Variants in ADAMTS9 observed in about 807,000 individuals in gnomAD.
ADAMTS9 encodes the protein ADAM metallopeptidase with thrombospondin type 1 motif 9, also known as A disintegrin and metalloproteinase with thrombospondin motifs 9.
In ADAMTS9, 107 loss-of-function variants were observed where a neutral mutation model predicts 257.1. The observed-to-expected ratio is 0.42, with a 90% CI of 0.36 to 0.49. The LOEUF (loss-of-function observed/expected upper bound fraction) is 0.49. Ranked by LOEUF, ADAMTS9 falls within the 20% of genes least tolerant of loss-of-function variation. ADAMTS9 has a pLI of 0.03. For synonymous variants in ADAMTS9, 982 were observed against 880.9 expected, an observed-to-expected ratio of 1.11 and a Z score of -2.03; for missense variants, 2,353 against 2,469.1, an observed-to-expected ratio of 0.95 and a Z score of 1.00.
rs537360814 is a variant in ADAMTS9 at position 64,542,829 on chromosome 3, C to T, written c.5065-859G>A. Among the ~76,000 whole-genome samples, 28 of 151,746 alleles carry T rather than the reference C, an allele frequency of 1.8e-4. No homozygotes were observed. In the South Asian group the frequency reaches 3.3e-3, roughly 18 times the overall value. ...TCAAAAAATCAATGAATCCAGGAGC[C>T]GGTTTTTTGAAAAGATCAACAAAAT... On this transcript the variant is annotated intron_variant, in intron 32 of 39. Transcript: ENST00000498707.
rs774595633 is a variant in ADAMTS9, at chr3:64,655,658, T to C, written c.1087A>G (p.Thr363Ala). 6.2e-7 allele frequency: 1 copy of C among 1,614,074 alleles called. No individual in the cohort carries two copies. Among genetic ancestry groups the C allele is most frequent in the African/African-American group, 1.3e-5 (1 of 74,946 alleles). Residue 363 changes from threonine to alanine, a missense_variant, in exon 6 of 40, where the codon ACA becomes GCA. Transcript: ENST00000498707. ...TGCCACTGGCAAAAGTTTTTTAATG[T>C]TGTCTGAGCATTAAAAGATATGGAA... ...GPSISFNAQTTLKNFCQWQHS... is the reference protein window; with the variant it reads ...GPSISFNAQTALKNFCQWQHS...
At position 64,649,745 on chromosome 3, in the gene ADAMTS9, A is replaced by C; in HGVS notation, c.1497T>G (p.Pro499=). Residue 499 remains proline (P), a synonymous_variant, in exon 10 of 40, where the codon CCT becomes CCG. Transcript: ENST00000498707. The part of the protein sequence containing the change: ...TGYGECLLNE[P]ESRPYPLPVQ... ...CAGGCAAAGGGTAGGGTCTGGATTC[A>C]GGTTCGTTAAGCAAACACTCGCCAT... The C allele has an allele frequency of 6.2e-7, 1 of 1,613,996 alleles. No homozygotes were observed. Among genetic ancestry groups the C allele is most frequent in the Non-Finnish European group, 8.5e-7 (1 of 1,179,952 alleles).
chr3:64,576,659 A>C (rs1011417914), intron 28 of ADAMTS9, among the ~76,000 whole-genome samples: 2 of 152,146 alleles, frequency 1.3e-5, no homozygotes, highest in Non-Finnish European at 2.9e-5. Flanking sequence ...ATTGGCAGGG[A>C]ACACCAAGGA....
rs759315592 is a variant in ADAMTS9 at position 64,541,174 on chromosome 3, T to C, written c.5442A>G (p.Gln1814=). 8 of 1,614,082 alleles carry C rather than the reference T, an allele frequency of 5.0e-6. No homozygotes were observed. The highest frequency in any genetic ancestry group is 1.6e-4 in the Middle Eastern group (1 of 6,084). ...CAGCGGCCGTGTAATCCTTCCGACA[T>C]TGGCAGTCATCGCGCCGGCTCCCGT... ...PYNGSRRDDC[Q]CRKDYTAAGF... Residue 1814 remains glutamine, a synonymous_variant, in exon 36 of 40, where the codon CAA becomes CAG. Coordinates refer to ENST00000498707, the MANE Select transcript of ADAMTS9 (RefSeq NM_182920.2).
At chr3:64,677,721 A>G (rs1297264770) in intron 3 of ADAMTS9, among the ~76,000 whole-genome samples, 4 of 152,120 alleles carry the variant, frequency 2.6e-5, no homozygotes, top group African/African-American at 9.7e-5. Context: ...CCTAACTTCA[A>G]TCTTGAAAGG....
At position 64,633,498 on chromosome 3, in the gene ADAMTS9, C is replaced by A; in HGVS notation, c.2149G>T (p.Asp717Tyr). Reference sequence around the variant, plus strand: ...CGGCAAAGGCCCTGGACACAGATATCATTTGTGTCCTGGCCACAAGGAGTT... The same window carrying A: ...CGGCAAAGGCCCTGGACACAGATATAATTTGTGTCCTGGCCACAAGGAGTT... Reference protein sequence around the residue: ...DGTPCGQDTNDICVQGLCRQA... With the variant: ...DGTPCGQDTNYICVQGLCRQA... Residue 717 changes from aspartate (D) to tyrosine (Y), a missense_variant, in exon 14 of 40, where the codon GAT (aspartate) becomes TAT (tyrosine). Coordinates refer to ENST00000498707, the MANE Select transcript of ADAMTS9 (RefSeq NM_182920.2). 1 of 1,614,112 alleles carries A rather than the reference C, an allele frequency of 6.2e-7. No individual in the cohort carries two copies. Among genetic ancestry groups the A allele is most frequent in the South Asian group, 1.1e-5 (1 of 91,078 alleles).
At chr3:64,582,616 G>A (rs1390132198) in intron 28 of ADAMTS9, 2 of 152,152 alleles carry the variant, frequency 1.3e-5, no homozygotes. Context: ...GGCAACGTCT[G>A]AAGATATTTT....
chr3:64,610,174 T>G (rs1411636444), intron 22 of ADAMTS9, among the ~76,000 whole-genome samples: 1 of 152,206 alleles, frequency 6.6e-6, no homozygotes, highest in East Asian at 1.9e-4. Context: ...TTTTAAAAAA[T>G]GGCAGAAAAA....
At chr3:64,641,700 G>C (rs1172910461) in intron 12 of ADAMTS9, 148 bp downstream of exon 12, 2 of 922,326 alleles carry the variant, frequency 2.2e-6, no homozygotes, top group Non-Finnish European at 3.2e-6. Context: ...AATAGACTTT[G>C]GGTACCGTGG....
rs755333089 is a variant in ADAMTS9, at chr3:64,658,490, G to C, written c.969+12C>G. 1 of 1,604,908 alleles carries C rather than the reference G, an allele frequency of 6.2e-7. No homozygotes were observed. Among genetic ancestry groups the C allele is most frequent in the Admixed American group, 1.7e-5 (1 of 58,604 alleles). Reference sequence around the variant, plus strand: ...GAGACCTCATAAATCACCTTCGTTTGAATGTACTTACAATTGACATTAAAG... The same window carrying C: ...GAGACCTCATAAATCACCTTCGTTTCAATGTACTTACAATTGACATTAAAG... On this transcript the variant is annotated intron_variant, in intron 4 of 39. Coordinates refer to ENST00000498707, the MANE Select transcript of ADAMTS9 (RefSeq NM_182920.2).
chr3:64,570,030 T>C (rs2083641064), intron 28 of ADAMTS9, among the ~76,000 whole-genome samples: 1 of 152,256 alleles, frequency 6.6e-6, no homozygotes, highest in East Asian at 1.9e-4. Flanking sequence ...AGTATGCTGA[T>C]GACTTGCACA....
intron 3 of ADAMTS9, among the ~76,000 whole-genome samples, chr3:64,669,684 A>G (rs995263876): frequency 1.3e-4 from 20 of 152,096 alleles, no homozygotes; most frequent in African/African-American, 4.6e-4. Context: ...CAGAAAGTGT[A>G]TGGATGAAAC....
At chr3:64,614,531 C>G (rs1052238632) in intron 21 of ADAMTS9, among the ~76,000 whole-genome samples, 4 of 152,098 alleles carry the variant, frequency 2.6e-5, no homozygotes, top group Non-Finnish European at 5.9e-5. Flanking sequence ...TTTTTCTTTC[C>G]CCATATTCCT....
intron 11 of ADAMTS9, 46 bp from the exon 12 acceptor site, chr3:64,642,039 T>C: frequency 6.2e-7 from 1 of 1,608,176 alleles, no homozygotes; most frequent in Non-Finnish European, 8.5e-7. Context: ...GCGCTGTGAG[T>C]TGTTACAGGA....
chr3:64,581,132 C>T (rs78862743), intron 28 of ADAMTS9, among the ~76,000 whole-genome samples: 2,754 of 152,240 alleles, frequency 0.018, 78 homozygotes, highest in African/African-American at 0.063. Context: ...GGGCTCACAT[C>T]AGATGTTTAA....
At chr3:64,655,102 A>C (rs932133829) in intron 6 of ADAMTS9, among the ~76,000 whole-genome samples, 1 of 152,260 alleles carries the variant, frequency 6.6e-6, no homozygotes, top group African/African-American at 2.4e-5. Context: ...GGGAGGTTTC[A>C]CATTTTTAAA....
At chr3:64,669,842 C>T (rs575402203) in intron 3 of ADAMTS9, among the ~76,000 whole-genome samples, 4 of 152,250 alleles carry the variant, frequency 2.6e-5, no homozygotes, top group Non-Finnish European at 1.5e-5. Flanking sequence ...AATTTTATTT[C>T]GGACCTGCTA....
chr3:64,541,828 G>C lies in ADAMTS9; in HGVS notation c.5197+10C>G, dbSNP rs1002808653. On this transcript the variant is annotated intron_variant, in intron 33 of 39. Transcript: ENST00000498707. ...TGCTAAAGAAAGATAACTTCAGTTG[G>C]CCAACTTACAGTTATAGACATTACG... The C allele has an allele frequency of 1.9e-5, 31 of 1,613,794 alleles. No homozygotes were observed. The Admixed American group carries it at 2.8e-4, about 15-fold the overall frequency.
At position 64,602,205 on chromosome 3, in the gene ADAMTS9, C is replaced by A. The variant is rs2106809982; in HGVS notation, c.3756G>T (p.Val1252=). 6.2e-7 allele frequency: 1 copy of A among 1,613,776 alleles called. No individual in the cohort carries two copies. The highest frequency in any genetic ancestry group is 2.2e-5 in the East Asian group (1 of 44,840). Residue 1252 remains valine, a synonymous_variant, in exon 26 of 40, where the codon GTG becomes GTT. Coordinates refer to ENST00000498707, the MANE Select transcript of ADAMTS9 (RefSeq NM_182920.2). ...GGGTTGCCCTACCTTGCCCACAGGTCACAGAGCACTAGGTTGAATGTTCAG... is the reference window on the plus strand; with the variant it reads ...GGGTTGCCCTACCTTGCCCACAGGTAACAGAGCACTAGGTTGAATGTTCAG... ...WKALDWSSCS[V]TCGQGRATRQ...
Sources: allele counts gnomAD v4.1 joint callset (sites outside exome capture counted in the v4.1 genomes callset), GRCh38; gene constraint gnomAD v4.1.1; transcripts MANE v1.5; gene names NCBI Gene and HGNC (gene_info 2026-07-23, HGNC 2026-07-21).